THSD4: variants seen among roughly 807,000 people sequenced by gnomAD.
THSD4 encodes the protein thrombospondin type-1 domain-containing protein 4.
THSD4 carries 69 observed loss-of-function variants against 119.0 expected under a neutral mutation model. The ratio of observed to expected loss-of-function variants is 0.58; its 90% CI spans 0.48 to 0.71. The LOEUF (loss-of-function observed/expected upper bound fraction) is 0.71. Among genes scored for constraint, THSD4 ranks in the 30% least tolerant of loss-of-function variants. The pLI is 0.00. For synonymous variants in THSD4, 524 were observed against 540.4 expected (o/e 0.97, Z 0.42); for missense variants, 1,393 against 1,391.1 (o/e 1.00, Z -0.02).
chr15:71,206,754 G>A (rs924751908), intron 3 of THSD4, among the ~76,000 whole-genome samples: 4 of 152,160 alleles, frequency 2.6e-5, no homozygotes, highest in Admixed American at 1.3e-4. Flanking sequence ...TCTGTGACAA[G>A]ACTATCACCA....
chr15:71,532,283 A>AGAGAGAGTGTGTGTGTGT (rs1379506089), intron 7 of THSD4, among the ~76,000 whole-genome samples: 1 of 101,574 alleles, frequency 9.8e-6, no homozygotes, highest in African/African-American at 3.4e-5. Context: ...AGAGAGAGAG[A>AGAGAGAGTGTGTGTGTGT]GTGTGTGTGT....
intron 7 of THSD4, among the ~76,000 whole-genome samples, chr15:71,464,607 A>G (rs1280988619): frequency 2.0e-5 from 3 of 152,122 alleles, no homozygotes; most frequent in Non-Finnish European, 4.4e-5. Context: ...GGGCTTTGGT[A>G]CTTTTACCTG....
At chr15:71,216,889 C>G (rs1021088486) in intron 4 of THSD4, among the ~76,000 whole-genome samples, 1 of 152,152 alleles carries the variant, frequency 6.6e-6, no homozygotes, top group Admixed American at 6.5e-5. Context: ...CCTCCAACTC[C>G]GGGTTCAAGC....
At chr15:71,544,988 G>A (rs772667090) in intron 7 of THSD4, among the ~76,000 whole-genome samples, 4 of 152,186 alleles carry the variant, frequency 2.6e-5, no homozygotes, top group Non-Finnish European at 5.9e-5. Context: ...GTAGCATAGA[G>A]GTTGCCAGGG....
At chr15:71,500,621 A>G (rs555016072) in intron 7 of THSD4, among the ~76,000 whole-genome samples, 2 of 152,208 alleles carry the variant, frequency 1.3e-5, no homozygotes, top group Admixed American at 1.3e-4. Context: ...TAATATGTTT[A>G]GGTCTTTAAT....
intron 5 of THSD4, among the ~76,000 whole-genome samples, chr15:71,251,541 T>C (rs1270656943): frequency 6.6e-6 from 1 of 152,240 alleles, no homozygotes; most frequent in East Asian, 1.9e-4. Context: ...GGACATTTTC[T>C]AGATTTCTTT....
chr15:71,329,310 G>A (rs1254698189), intron 6 of THSD4, among the ~76,000 whole-genome samples: 8 of 152,266 alleles, frequency 5.3e-5, no homozygotes, highest in East Asian at 1.9e-4. Context: ...GGAATCTCAC[G>A]GACTTGAAAG....
At chr15:71,139,709 ACTAT>A (rs989571930) in intron 1 of THSD4, among the ~76,000 whole-genome samples, 1 of 152,210 alleles carries the variant, frequency 6.6e-6, no homozygotes, top group African/African-American at 2.4e-5. Flanking sequence ...GGTTCTCATG[ACTAT>A]CTTTTTGTAA....
At chr15:71,504,076 A>T (rs1489300530) in intron 7 of THSD4, among the ~76,000 whole-genome samples, 14 of 152,198 alleles carry the variant, frequency 9.2e-5, no homozygotes, top group Non-Finnish European at 1.5e-5. Flanking sequence ...GTGGAAAAAA[A>T]TGGAAAGTGA....
rs568469429 is a variant in THSD4 at position 71,706,382 on chromosome 15, T to C, written c.1358-22167T>C. ...GGAGAAAAAAATGGTGTGTTTGGTT[T>C]GGGACATGTTGAACTGGAGGTTTTT... is the stretch of plus-strand genomic sequence containing the variant. On this transcript the variant is annotated intron_variant, in intron 8 of 17. Transcript: ENST00000261862. 8.5e-5 allele frequency among the ~76,000 whole-genome samples: 13 copies of C among 152,208 alleles called. No individual in the cohort carries two copies. In the South Asian group the frequency reaches 2.7e-3, roughly 32 times the overall value.
At chr15:71,762,700 A>C (rs1175797552) in intron 15 of THSD4, among the ~76,000 whole-genome samples, 3 of 152,222 alleles carry the variant, frequency 2.0e-5, no homozygotes, top group Admixed American at 6.5e-5. Context: ...TTGAAAGAAA[A>C]GGACAAGACA....
intron 7 of THSD4, among the ~76,000 whole-genome samples, chr15:71,494,716 T>C (rs994846142): frequency 1.3e-5 from 2 of 152,200 alleles, no homozygotes; most frequent in African/African-American, 4.8e-5. Context: ...GAAGCCTCCA[T>C]ACATTGGGAT....
chr15:71,464,741 T>G (rs902547534), intron 7 of THSD4, among the ~76,000 whole-genome samples: 1 of 152,180 alleles, frequency 6.6e-6, no homozygotes, highest in Admixed American at 6.5e-5. Context: ...TTTCCCAGTT[T>G]TGGGAGATGG....
intron 7 of THSD4, among the ~76,000 whole-genome samples, chr15:71,551,871 A>C (rs2048935334): frequency 6.6e-6 from 1 of 152,204 alleles, no homozygotes; most frequent in South Asian, 2.1e-4. Flanking sequence ...TTGTCTATAC[A>C]GTAGAGGCGC....
intron 6 of THSD4, among the ~76,000 whole-genome samples, chr15:71,296,434 A>G (rs573814957): frequency 6.6e-6 from 1 of 152,198 alleles, no homozygotes; most frequent in Non-Finnish European, 1.5e-5. Context: ...GCCCACTAAG[A>G]CCGGATGACC....
intron 6 of THSD4, among the ~76,000 whole-genome samples, chr15:71,385,871 G>T (rs942280914): frequency 6.6e-6 from 1 of 152,182 alleles, no homozygotes. Flanking sequence ...TGGGGGTCCG[G>T]AAAGCTGCTG....
At chr15:71,338,361 A>C (rs972677067) in intron 6 of THSD4, among the ~76,000 whole-genome samples, 5 of 150,616 alleles carry the variant, frequency 3.3e-5, no homozygotes, top group Non-Finnish European at 7.4e-5. Flanking sequence ...TAGCATGATA[A>C]ACACTCTTTG....
chr15:71,549,241 A>C (rs2048889577), intron 7 of THSD4, among the ~76,000 whole-genome samples: 1 of 152,234 alleles, frequency 6.6e-6, no homozygotes, highest in Admixed American at 6.5e-5. Flanking sequence ...GATCAGAGGT[A>C]GTGAGATGCC....
intron 6 of THSD4, among the ~76,000 whole-genome samples, 157 bp downstream of exon 6, chr15:71,256,872 C>T (rs1335582159): frequency 1.3e-5 from 2 of 152,242 alleles, no homozygotes; most frequent in African/African-American, 4.8e-5. Context: ...CTGCATGGGT[C>T]TTTACCAAAG....
Sources: gnomAD v4.1 joint callset for allele counts (sites outside exome capture counted in the v4.1 genomes callset) on GRCh38, gnomAD v4.1.1 for gene constraint, MANE v1.5 for transcripts, NCBI Gene and HGNC (gene_info 2026-07-23, HGNC 2026-07-21) for gene names.